The following RPS6KA4 variants were observed in gnomAD, a reference collection of about 807,000 sequenced individuals.
RPS6KA4 encodes the protein ribosomal protein S6 kinase alpha-4.
A neutral mutation model predicts 89.6 loss-of-function variants in RPS6KA4; 38 were observed. The ratio of observed to expected loss-of-function variants is 0.42; its 90% CI spans 0.33 to 0.56. The LOEUF (loss-of-function observed/expected upper bound fraction) is 0.56, where lower values mean the gene tolerates loss of function less well. Ranked by LOEUF, RPS6KA4 falls within the 20% of genes least tolerant of loss-of-function variation. RPS6KA4 has a pLI of 0.07. For synonymous variants in RPS6KA4, 495 were observed against 492.8 expected (o/e 1.00, Z -0.06); for missense variants, 873 against 1,098.8 (o/e 0.79, Z 2.90).
At chr11:64,362,724 G>T (rs1326948361) in intron 8 of RPS6KA4, among the ~76,000 whole-genome samples, 8 of 152,226 alleles carry the variant, frequency 5.3e-5, no homozygotes, top group Non-Finnish European at 1.2e-4. Context: ...GGGCTGGAGT[G>T]CAGTGGCACG....
chr11:64,360,117 A>G, intron 2 of RPS6KA4, 46 bp from the exon 3 acceptor site: 1 of 1,503,802 alleles, frequency 6.6e-7, no homozygotes, highest in Admixed American at 2.1e-5. Context: ...GCCTGCACCA[A>G]TCTCCCGCTC....
intron 12 of RPS6KA4, 92 bp downstream of exon 12, chr11:64,368,889 C>A (rs1317219998): frequency 5.8e-6 from 7 of 1,202,254 alleles, no homozygotes; most frequent in Non-Finnish European, 8.2e-6. Context: ...GTGAATTGGG[C>A]GGGGCCTAGC....
rs370928687 is a variant in RPS6KA4, at chr11:64,370,191, C to G, written c.1798-34C>G. 2.8e-5 allele frequency: 42 copies of G among 1,511,636 alleles called. No homozygotes were observed. The African/African-American group carries it at 5.6e-4, about 20-fold the overall frequency. The allele number at this position is 1,511,636 out of a possible 1,614,324, so 93.6% of individuals were successfully genotyped here. A position where few individuals can be genotyped will look rare whatever the true frequency, so the allele number is the denominator to read the frequency against. On this transcript the variant is annotated intron_variant, in intron 14 of 16. Coordinates refer to ENST00000334205, the MANE Select transcript of RPS6KA4 (RefSeq NM_003942.3). This position sits in a 1 kb window ranked among gnomAD's most constrained non-coding sequence, Gnocchi z 4.1. ...GAGGGGTCAGCCTCGGCACCCCAGC[C>G]TGGGCCGGCCTCACCTTCCCCTCAC... is the stretch of plus-strand genomic sequence containing the variant.
rs762156469 is a variant in RPS6KA4, at chr11:64,361,762, G to A, written c.755+17G>A. The A allele has an allele frequency of 7.5e-6, 12 of 1,592,344 alleles. No homozygotes were observed. The African/African-American group carries it at 9.5e-5, about 13-fold the overall frequency. On this transcript the variant is annotated intron_variant, in intron 7 of 16. Coordinates refer to ENST00000334205, the MANE Select transcript of RPS6KA4 (RefSeq NM_003942.3). The surrounding 1 kb of genome is among the most constrained non-coding windows in gnomAD (Gnocchi z 4.7). Reference sequence around the variant, plus strand: ...GGTGTCTCGGTGAGTAGGGCTGGACGTGGAGGGCGGCCAGAGGGCTGCAGG... The same window carrying A: ...GGTGTCTCGGTGAGTAGGGCTGGACATGGAGGGCGGCCAGAGGGCTGCAGG...
At chr11:64,362,104 C>T (rs1376796678) in intron 8 of RPS6KA4, 102 bp downstream of exon 8, 10 of 1,373,748 alleles carry the variant, frequency 7.3e-6, no homozygotes, top group Non-Finnish European at 9.9e-6. Context: ...ATTTGGAAAT[C>T]CCCCCAGAGA....
rs1314446483 is a variant in RPS6KA4, at chr11:64,370,859, G to A, written c.2121+133G>A. 3.3e-5 allele frequency: 38 copies of A among 1,155,466 alleles called. No individual in the cohort carries two copies. The highest frequency in any genetic ancestry group is 1.3e-5 in the Non-Finnish European group (11 of 848,860). The allele number at this position is 1,155,466 out of a possible 1,614,324, so 71.6% of individuals were successfully genotyped here. A position where few individuals can be genotyped will look rare whatever the true frequency, so the allele number is the denominator to read the frequency against. On this transcript the variant is annotated intron_variant, in intron 16 of 16. Coordinates refer to ENST00000334205, the MANE Select transcript of RPS6KA4 (RefSeq NM_003942.3). The surrounding 1 kb of genome is among the most constrained non-coding windows in gnomAD (Gnocchi z 4.1). ...GGTGGCTCACGCCTGTAATCCCAGC[G>A]CTTTGGGAGGCCGAGGCGGGCGGAT...
chr11:64,367,600 C>T (rs533229873), intron 9 of RPS6KA4, among the ~76,000 whole-genome samples: 5 of 152,306 alleles, frequency 3.3e-5, no homozygotes, highest in South Asian at 2.1e-4. Flanking sequence ...CGCAAGCCAC[C>T]GTGCCTGGCC....
chr11:64,370,449 G>A lies in RPS6KA4; in HGVS notation c.1957+65G>A. The A allele has an allele frequency of 1.2e-6, 2 of 1,606,756 alleles. No homozygotes were observed. The highest frequency in any genetic ancestry group is 1.7e-6 in the Non-Finnish European group (2 of 1,177,064). ...GACGCTGGGACAGGGATGGTCACTG[G>A]GCCAGGTGTCCTGGTTGGGGATGGG... On this transcript the variant is annotated intron_variant, in intron 15 of 16. Coordinates refer to ENST00000334205, the MANE Select transcript of RPS6KA4 (RefSeq NM_003942.3). This position sits in a 1 kb window ranked among gnomAD's most constrained non-coding sequence, Gnocchi z 4.1.
intron 9 of RPS6KA4, among the ~76,000 whole-genome samples, chr11:64,367,379 C>G (rs191337001): frequency 9.1e-4 from 139 of 152,278 alleles, no homozygotes; most frequent in African/African-American, 3.1e-3. Context: ...GGCATGATAT[C>G]GGCTCACCGC....
chr11:64,371,683 G>A lies in RPS6KA4; in HGVS notation c.*203G>A, dbSNP rs939054944. The A allele has an allele frequency of 3.4e-5, 17 of 498,190 alleles. No homozygotes were observed. Among genetic ancestry groups the A allele is most frequent in the Non-Finnish European group, 4.6e-5 (13 of 282,020 alleles). 30.9% of individuals were successfully genotyped at this position (498,190 alleles called of 1,614,324 possible). ...TTACCAGATAGAGTTGCAGGGAAGGGGGGGCCTGCTGGGGAGTGGGGTTTG... is the reference window on the plus strand; with the variant it reads ...TTACCAGATAGAGTTGCAGGGAAGGAGGGGCCTGCTGGGGAGTGGGGTTTG... On this transcript the variant is annotated 3_prime_UTR_variant, in exon 17 of 17. Coordinates refer to ENST00000334205, the MANE Select transcript of RPS6KA4 (RefSeq NM_003942.3).
chr11:64,363,215 G>A (rs1309235421), intron 8 of RPS6KA4, among the ~76,000 whole-genome samples: 1 of 152,182 alleles, frequency 6.6e-6, no homozygotes, highest in Non-Finnish European at 1.5e-5. Flanking sequence ...CTCATACTTC[G>A]AGTGCCATCT....
chr11:64,363,992 T>G (rs1200668124), intron 8 of RPS6KA4, among the ~76,000 whole-genome samples: 7 of 152,204 alleles, frequency 4.6e-5, no homozygotes, highest in Admixed American at 1.3e-4. Flanking sequence ...AGAGGTTTAC[T>G]TATAAGTAAA....
At chr11:64,365,913 C>T (rs1237002333) in intron 9 of RPS6KA4, among the ~76,000 whole-genome samples, 1 of 151,980 alleles carries the variant, frequency 6.6e-6, no homozygotes, top group Non-Finnish European at 1.5e-5. Flanking sequence ...GTGGTATGCG[C>T]CTGTAATCCC....
Position 64,370,002 on chromosome 11 carries a change from G to C in RPS6KA4, c.1797+109G>C. On this transcript the variant is annotated intron_variant, in intron 14 of 16. Coordinates refer to ENST00000334205, the MANE Select transcript of RPS6KA4 (RefSeq NM_003942.3). This position sits in a 1 kb window ranked among gnomAD's most constrained non-coding sequence, Gnocchi z 4.1. ...AGGGGTCATCTTGGTGGGGGCGGCTGGGTTTCGTCCGAAGCTGGGATCGGG... is the reference window on the plus strand; with the variant it reads ...AGGGGTCATCTTGGTGGGGGCGGCTCGGTTTCGTCCGAAGCTGGGATCGGG... 1 of 1,263,336 alleles carries C rather than the reference G, an allele frequency of 7.9e-7. No homozygotes were observed. The highest frequency in any genetic ancestry group is 1.1e-6 in the Non-Finnish European group (1 of 943,798). 78.3% of individuals were successfully genotyped at this position (1,263,336 alleles called of 1,614,324 possible). A position where few individuals can be genotyped will look rare whatever the true frequency, so the allele number is the denominator to read the frequency against.
intron 1 of RPS6KA4, 38 bp from the exon 2 acceptor site, chr11:64,359,340 A>G: frequency 6.2e-7 from 1 of 1,610,564 alleles, no homozygotes; most frequent in Non-Finnish European, 8.5e-7. Context: ...GGGACGGGTC[A>G]TGGACCGGCT....
At chr11:64,367,211 C>G (rs1246744124) in intron 9 of RPS6KA4, among the ~76,000 whole-genome samples, 1 of 152,098 alleles carries the variant, frequency 6.6e-6, no homozygotes, top group Non-Finnish European at 1.5e-5. Flanking sequence ...AGTTGGGCAA[C>G]CATGGCTCAC....
chr11:64,360,631 C>G (rs931333181), intron 4 of RPS6KA4, 39 bp downstream of exon 4: 4 of 1,523,226 alleles, frequency 2.6e-6, no homozygotes, highest in Non-Finnish European at 3.6e-6. Flanking sequence ...GCTATGGAAA[C>G]TGGGTCTGTG....
In RPS6KA4 at chr11:64,369,829, C is replaced by A; in HGVS notation, c.1733C>A (p.Pro578His). Residue 578 changes from proline to histidine, a missense_variant, in exon 14 of 17, where the codon CCC becomes CAC. Pro to His is a moderately conservative substitution (Grantham distance 77). Transcript: ENST00000334205. ...TGCTTCACGCTGCAGTACGCTGCCCCCGAGCTGCTGGCGCAGCAGGGCTAC... is the reference window on the plus strand; with the variant it reads ...TGCTTCACGCTGCAGTACGCTGCCCACGAGCTGCTGGCGCAGCAGGGCTAC... ...TPCFTLQYAA[P>H]ELLAQQGYDE... 2 of 1,593,816 alleles carry A rather than the reference C, an allele frequency of 1.3e-6. No homozygotes were observed. Among genetic ancestry groups the A allele is most frequent in the Non-Finnish European group, 1.7e-6 (2 of 1,171,246 alleles).
At chr11:64,371,225 A>T in intron 16 of RPS6KA4, 58 bp from the exon 17 acceptor site, 1 of 1,556,860 alleles carries the variant, frequency 6.4e-7, no homozygotes, top group Non-Finnish European at 8.8e-7. Flanking sequence ...AGGTCAAACT[A>T]GATCTGGAAG....
Sources: allele counts gnomAD v4.1 joint callset (sites outside exome capture counted in the v4.1 genomes callset), GRCh38; gene constraint gnomAD v4.1.1; non-coding constraint Gnocchi (gnomAD v3.1); transcripts MANE v1.5; gene names NCBI Gene and HGNC (gene_info 2026-07-23, HGNC 2026-07-21).